Variants in CA10 observed in about 807,000 individuals in gnomAD.
The protein encoded by CA10 is carbonic anhydrase-related protein 10.
In CA10, 14 loss-of-function variants were observed where a neutral mutation model predicts 44.2. That is an observed-to-expected ratio of 0.32 (90% confidence interval 0.21 to 0.50). The LOEUF (loss-of-function observed/expected upper bound fraction) is 0.50, where lower values mean the gene tolerates loss of function less well. Ranked by LOEUF, CA10 falls within the 20% of genes least tolerant of loss-of-function variation. CA10 has a pLI of 0.99. For missense variants in CA10, 350 were observed against 409.7 expected, an observed-to-expected ratio of 0.85 and a Z score of 1.26; for synonymous variants, 159 against 141.6, an observed-to-expected ratio of 1.12 and a Z score of -0.87.
intron 1 of CA10, among the ~76,000 whole-genome samples, chr17:52,118,416 C>G (rs780816901): frequency 6.6e-6 from 1 of 152,072 alleles, no homozygotes; most frequent in Non-Finnish European, 1.5e-5. Context: ...AAATAAATAA[C>G]TTATGGTAAT....
At chr17:51,959,797 G>GAAAAAAAAAAAAAAAAAAAAAGAAAAAAA (rs3062037) in intron 2 of CA10, among the ~76,000 whole-genome samples, 1 of 112,374 alleles carries the variant, frequency 8.9e-6, no homozygotes, top group Non-Finnish European at 1.8e-5. Context: ...CTGCTAAGAT[G>GAAAAAAAAAAAAAAAAAAAAAGAAAAAAA]AAAAAAAAAA....
chr17:52,154,736 G>T (rs1052245871), intron 1 of CA10, among the ~76,000 whole-genome samples: 41 of 152,138 alleles, frequency 2.7e-4, no homozygotes, highest in African/African-American at 9.7e-4. Flanking sequence ...CTTTAGCCTA[G>T]CTATGTTGCA....
intron 5 of CA10, among the ~76,000 whole-genome samples, chr17:51,651,019 T>C (rs1722593913): frequency 6.6e-6 from 1 of 152,146 alleles, no homozygotes; most frequent in African/African-American, 2.4e-5. Context: ...GGGGGATTTG[T>C]GGAGGACAGA....
chr17:52,127,207 C>T (rs747724840), intron 1 of CA10, among the ~76,000 whole-genome samples: 13 of 152,164 alleles, frequency 8.5e-5, no homozygotes, highest in Middle Eastern at 3.2e-3. Context: ...ATAAATAGCA[C>T]GCTATACATA....
chr17:51,775,728 C>T lies in CA10; in HGVS notation c.280-27910G>A, dbSNP rs565849012. The stretch of plus-strand genomic sequence containing the variant: ...GGAGAATGTCTAACAGGGAGCACGA[C>T]ATAGTCTTGTCTGGAAGTTGAAGGT... On this transcript the variant is annotated intron_variant, in intron 3 of 8. Coordinates refer to ENST00000451037, the MANE Select transcript of CA10 (RefSeq NM_020178.5). Among the ~76,000 whole-genome samples, 4 of 152,230 alleles carry T rather than the reference C, an allele frequency of 2.6e-5. No individual in the cohort carries two copies. In the South Asian group the frequency reaches 8.3e-4, roughly 32 times the overall value.
chr17:51,909,098 C>G (rs16950751), intron 3 of CA10, among the ~76,000 whole-genome samples: 6,461 of 152,216 alleles, frequency 0.042, 231 homozygotes, highest in African/African-American at 0.091. Flanking sequence ...TATTTCAAAG[C>G]AGCCGTGCTA....
chr17:51,838,088 G>A (rs747899398), intron 3 of CA10, among the ~76,000 whole-genome samples: 5 of 152,186 alleles, frequency 3.3e-5, no homozygotes, highest in Admixed American at 1.3e-4. Flanking sequence ...CAGGTATTAT[G>A]ATCCTCATCT....
intron 3 of CA10, among the ~76,000 whole-genome samples, chr17:51,826,801 G>T (rs375953764): frequency 1.3e-5 from 2 of 152,192 alleles, no homozygotes; most frequent in Non-Finnish European, 2.9e-5. Flanking sequence ...GGTCTCATTG[G>T]TCTGGCTATG....
rs78723126 is a variant in CA10, at chr17:51,815,509, C to T, written c.280-67691G>A. 5.9e-5 allele frequency among the ~76,000 whole-genome samples: 9 copies of T among 152,230 alleles called. No individual in the cohort carries two copies. In the East Asian group the frequency reaches 1.7e-3, roughly 29 times the overall value. Reference sequence around the variant, plus strand: ...ACAGTGAACTCCTCCCTGCCTCTTACCATGGATTGGTAGAGTCCTGTCACT... The same window carrying T: ...ACAGTGAACTCCTCCCTGCCTCTTATCATGGATTGGTAGAGTCCTGTCACT... On this transcript the variant is annotated intron_variant, in intron 3 of 8. Coordinates refer to ENST00000451037, the MANE Select transcript of CA10 (RefSeq NM_020178.5).
intron 2 of CA10, among the ~76,000 whole-genome samples, chr17:51,991,389 T>C (rs745893755): frequency 5.3e-5 from 8 of 152,176 alleles, no homozygotes; most frequent in Non-Finnish European, 8.8e-5. Flanking sequence ...GAATAATCTT[T>C]GTATGCAATG....
At chr17:51,734,415 T>C (rs1333770764) in intron 4 of CA10, among the ~76,000 whole-genome samples, 2 of 152,132 alleles carry the variant, frequency 1.3e-5, no homozygotes, top group South Asian at 4.1e-4. Flanking sequence ...CACCTAGTCG[T>C]AGGGTGAGCA....
At chr17:51,995,993 T>C (rs1191410722) in intron 2 of CA10, among the ~76,000 whole-genome samples, 1 of 152,096 alleles carries the variant, frequency 6.6e-6, no homozygotes, top group African/African-American at 2.4e-5. Context: ...CTGCCATCCA[T>C]GCATTCACTC....
chr17:51,907,654 C>T (rs145899934), intron 3 of CA10, among the ~76,000 whole-genome samples: 211 of 152,168 alleles, frequency 1.4e-3, no homozygotes, highest in Middle Eastern at 3.4e-3. Context: ...TCCCAGTGAG[C>T]CCACAGTCAA....
At chr17:51,716,772 C>G (rs1916126795) in intron 4 of CA10, among the ~76,000 whole-genome samples, 1 of 152,146 alleles carries the variant, frequency 6.6e-6, no homozygotes, top group Non-Finnish European at 1.5e-5. Context: ...AAATCCTTTC[C>G]TTTATGCACC....
chr17:52,157,896 C>A lies in CA10; in HGVS notation c.-110G>T. On this transcript the variant is annotated 5_prime_UTR_variant, in exon 1 of 9. Coordinates refer to ENST00000451037, the MANE Select transcript of CA10 (RefSeq NM_020178.5). Reference sequence around the variant, plus strand: ...TCGCACACACTTCCGAGCGAGTGCACACTCGCACTCCCACCCGACAGCCGG... The same window carrying A: ...TCGCACACACTTCCGAGCGAGTGCAAACTCGCACTCCCACCCGACAGCCGG... 1 of 846,468 alleles carries A rather than the reference C, an allele frequency of 1.2e-6. No individual in the cohort carries two copies. Among genetic ancestry groups the A allele is most frequent in the South Asian group, 1.4e-5 (1 of 72,278 alleles). The allele number at this position is 846,468 out of a possible 1,614,324, so 52.4% of individuals were successfully genotyped here.
chr17:51,945,006 G>A (rs1000657815), intron 2 of CA10, among the ~76,000 whole-genome samples: 2 of 152,108 alleles, frequency 1.3e-5, no homozygotes, highest in Non-Finnish European at 2.9e-5. Context: ...ACATGCAGGT[G>A]GTACACCCTC....
At chr17:51,762,179 G>A (rs944334655) in intron 3 of CA10, 1 of 152,234 alleles carries the variant, frequency 6.6e-6, no homozygotes, top group Admixed American at 6.5e-5. Flanking sequence ...ATAGGCCACA[G>A]ATCTGTAAGT....
At chr17:52,147,515 T>G (rs965629223) in intron 1 of CA10, among the ~76,000 whole-genome samples, 2 of 147,026 alleles carry the variant, frequency 1.4e-5, no homozygotes, top group South Asian at 2.1e-4. Context: ...AAGCCTGCAC[T>G]AACTTATACA....
At chr17:51,753,185 C>A (rs926510538) in intron 3 of CA10, among the ~76,000 whole-genome samples, 1 of 152,076 alleles carries the variant, frequency 6.6e-6, no homozygotes, top group Non-Finnish European at 1.5e-5. Flanking sequence ...GTTGGAGCTA[C>A]GTATATTGAG....
Sources: gnomAD v4.1 joint callset for allele counts (sites outside exome capture counted in the v4.1 genomes callset) on GRCh38, gnomAD v4.1.1 for gene constraint, MANE v1.5 for transcripts, NCBI Gene and HGNC (gene_info 2026-07-23, HGNC 2026-07-21) for gene names.